ATRNL1: variants seen among roughly 807,000 people sequenced by gnomAD.
ATRNL1 encodes the protein attractin-like protein 1.
ATRNL1 carries 95 observed loss-of-function variants against 182.7 expected under a neutral mutation model. The ratio of observed to expected loss-of-function variants is 0.52; its 90% confidence interval spans 0.44 to 0.62. ATRNL1 has a LOEUF of 0.62. Among genes scored for constraint, ATRNL1 ranks in the 20% least tolerant of loss-of-function variants. The pLI is 0.00. For missense variants in ATRNL1, 1,471 were observed against 1,679.5 expected (o/e 0.88, Z 2.17); for synonymous variants, 576 against 568.3 (o/e 1.01, Z -0.19).
At chr10:115,820,933 G>A (rs1369392100) in intron 27 of ATRNL1, among the ~76,000 whole-genome samples, 2 of 152,116 alleles carry the variant, frequency 1.3e-5, no homozygotes, top group African/African-American at 4.8e-5. Context: ...CGTGGGGATG[G>A]TTTCCTCCAT....
At chr10:115,691,785 G>GTT (rs1198523332) in intron 26 of ATRNL1, among the ~76,000 whole-genome samples, 4 of 151,812 alleles carry the variant, frequency 2.6e-5, no homozygotes, top group African/African-American at 7.3e-5. Context: ...TAAATTTTGG[G>GTT]TTTTTTTCTT....
chr10:115,669,926 C>T (rs1215591046), intron 26 of ATRNL1, among the ~76,000 whole-genome samples: 1 of 152,032 alleles, frequency 6.6e-6, no homozygotes, highest in Non-Finnish European at 1.5e-5. Flanking sequence ...TTTTTAACAG[C>T]TCTCCAATTT....
At chr10:115,439,341 A>C (rs1554965290) in intron 21 of ATRNL1, among the ~76,000 whole-genome samples, 1 of 151,960 alleles carries the variant, frequency 6.6e-6, no homozygotes, top group Non-Finnish European at 1.5e-5. Context: ...ATATGTAAGT[A>C]TACATCATGT....
chr10:115,804,209 T>C (rs1185962685), intron 27 of ATRNL1, among the ~76,000 whole-genome samples: 2 of 152,336 alleles, frequency 1.3e-5, no homozygotes, highest in East Asian at 3.9e-4. Context: ...TCTTAACTAC[T>C]TTGATGCATT....
chr10:115,475,998 G>A lies in ATRNL1; in HGVS notation c.3654+6669G>A, dbSNP rs575233485. Among the ~76,000 whole-genome samples the A allele has an allele frequency of 1.4e-3, 210 of 151,380 alleles. 1 individual carries two copies. Among genetic ancestry groups the A allele is most frequent in the African/African-American group, 4.7e-3 (194 of 41,434 alleles). On this transcript the variant is annotated intron_variant, in intron 24 of 28. Transcript: ENST00000355044. ...TCACTCTTGTTTTACATCTTTCTAT[G>A]TTGAGAGTTTAAATCGTTGATTTTA...
intron 8 of ATRNL1, among the ~76,000 whole-genome samples, chr10:115,196,363 C>T (rs531388803): frequency 7.4e-4 from 113 of 152,102 alleles, no homozygotes; most frequent in Non-Finnish European, 1.1e-3. Context: ...CTAAATCTGG[C>T]GGTGTAAGTC....
chr10:115,632,849 G>A (rs1555026831), intron 26 of ATRNL1, among the ~76,000 whole-genome samples: 1 of 108,272 alleles, frequency 9.2e-6, no homozygotes, highest in African/African-American at 3.1e-5. Flanking sequence ...ACAAATTCTA[G>A]GGCCTCACAT....
chr10:115,256,189 T>A (rs1851126314), intron 10 of ATRNL1, among the ~76,000 whole-genome samples: 1 of 152,354 alleles, frequency 6.6e-6, no homozygotes, highest in East Asian at 1.9e-4. Flanking sequence ...TTTCTATTGA[T>A]TGGGATAGTT....
At chr10:115,817,900 T>C (rs1270201844) in intron 27 of ATRNL1, among the ~76,000 whole-genome samples, 2 of 150,774 alleles carry the variant, frequency 1.3e-5, no homozygotes, top group African/African-American at 4.9e-5. Context: ...TTTTTCTGTT[T>C]TAATGTTTAG....
At chr10:115,509,043 A>G (rs72822680) in intron 24 of ATRNL1, among the ~76,000 whole-genome samples, 1 of 152,028 alleles carries the variant, frequency 6.6e-6, no homozygotes, top group Non-Finnish European at 1.5e-5. Flanking sequence ...GCCAGTGCTC[A>G]TTTACCCTTC....
At chr10:115,645,703 C>T (rs947397254) in intron 26 of ATRNL1, among the ~76,000 whole-genome samples, 8 of 151,868 alleles carry the variant, frequency 5.3e-5, no homozygotes. Context: ...ACATTAGAAA[C>T]ATACTCTGAA....
At chr10:115,272,681 C>T (rs782510933) in intron 13 of ATRNL1, among the ~76,000 whole-genome samples, 7 of 152,164 alleles carry the variant, frequency 4.6e-5, no homozygotes, top group Non-Finnish European at 8.8e-5. Flanking sequence ...GATGCTGACT[C>T]AGAGCTTATA....
At chr10:115,161,242 G>A (rs1433328505) in intron 6 of ATRNL1, among the ~76,000 whole-genome samples, 3 of 151,852 alleles carry the variant, frequency 2.0e-5, no homozygotes, top group South Asian at 4.1e-4. Context: ...GATTGAATGC[G>A]ACTGAAATTA....
intron 5 of ATRNL1, among the ~76,000 whole-genome samples, chr10:115,136,280 T>TA (rs1186858208): frequency 2.0e-5 from 3 of 150,562 alleles, no homozygotes; most frequent in Non-Finnish European, 4.4e-5. Context: ...GACAGTAAAA[T>TA]AAAAAAAATA....
At chr10:115,673,478 G>A (rs1565272459) in intron 26 of ATRNL1, among the ~76,000 whole-genome samples, 1 of 152,102 alleles carries the variant, frequency 6.6e-6, no homozygotes, top group African/African-American at 2.4e-5. Context: ...AGTGACAGCA[G>A]CATTTTCTAG....
intron 25 of ATRNL1, among the ~76,000 whole-genome samples, chr10:115,536,975 A>C (rs1387400573): frequency 1.1e-4 from 3 of 28,514 alleles, no homozygotes; most frequent in Non-Finnish European, 5.7e-4. Flanking sequence ...TCTCTGTTTA[A>C]AAAAATAAGA....
At chr10:115,096,336 T>C (rs1324878875) in intron 1 of ATRNL1, among the ~76,000 whole-genome samples, 1 of 152,212 alleles carries the variant, frequency 6.6e-6, no homozygotes, top group Non-Finnish European at 1.5e-5. Context: ...AACACATTGG[T>C]ATTTAATGTT....
intron 20 of ATRNL1, among the ~76,000 whole-genome samples, chr10:115,395,811 GT>G (rs1207687078): frequency 6.6e-6 from 1 of 151,396 alleles, no homozygotes; most frequent in African/African-American, 2.4e-5. Context: ...TATTTAAATT[GT>G]TTTTTATTCT....
intron 27 of ATRNL1, among the ~76,000 whole-genome samples, chr10:115,733,133 T>C (rs1396173511): frequency 1.4e-5 from 2 of 147,038 alleles, no homozygotes; most frequent in African/African-American, 4.9e-5. Flanking sequence ...TTTAAGATTG[T>C]TTATTTGGTA....
Sources: allele counts gnomAD v4.1 joint callset (sites outside exome capture counted in the v4.1 genomes callset), GRCh38; gene constraint gnomAD v4.1.1; transcripts MANE v1.5; gene names NCBI Gene and HGNC (gene_info 2026-07-23, HGNC 2026-07-21).